The following KAZN variants were observed in gnomAD, a reference collection of about 807,000 sequenced individuals.
KAZN encodes kazrin, periplakin interacting protein.
A neutral mutation model predicts 87.4 loss-of-function variants in KAZN; 40 were observed. That is an observed-to-expected ratio of 0.46 (90% CI 0.36 to 0.60). KAZN has a LOEUF of 0.60. Among genes scored for constraint, KAZN ranks in the 20% least tolerant of loss-of-function variants. The pLI is 0.00. For synonymous variants in KAZN, 466 were observed against 458.3 expected, an observed-to-expected ratio of 1.02 and a Z score of -0.22; for missense variants, 898 against 1,073.9, an observed-to-expected ratio of 0.84 and a Z score of 2.29.
At chr1:14,932,488 C>T (rs12067819) in intron 1 of KAZN, among the ~76,000 whole-genome samples, 1 of 152,140 alleles carries the variant, frequency 6.6e-6, no homozygotes, top group Non-Finnish European at 1.5e-5. Flanking sequence ...CATGGTAGCC[C>T]CTGGGCTTAA....
chr1:14,488,196 G>C (rs940898051), intron 2 of KAZN, among the ~76,000 whole-genome samples: 54 of 152,278 alleles, frequency 3.5e-4, no homozygotes, highest in African/African-American at 1.3e-3. Context: ...TCATGTAGAG[G>C]CTAATCATTT....
intron 2 of KAZN, among the ~76,000 whole-genome samples, chr1:14,375,766 T>G (rs1354489528): frequency 1.3e-5 from 2 of 152,070 alleles, no homozygotes; most frequent in Non-Finnish European, 2.9e-5. Flanking sequence ...CGGGTGCCTG[T>G]AGTCCCAGCT....
At chr1:14,298,270 A>G (rs1053638440) in intron 2 of KAZN, among the ~76,000 whole-genome samples, 9 of 152,196 alleles carry the variant, frequency 5.9e-5, no homozygotes, top group African/African-American at 2.2e-4. Context: ...AAAGGAGGCC[A>G]TTTTAAATGG....
At chr1:14,849,301 A>C (rs140555199) in intron 1 of KAZN, among the ~76,000 whole-genome samples, 3 of 152,190 alleles carry the variant, frequency 2.0e-5, no homozygotes, top group Non-Finnish European at 2.9e-5. Context: ...TACAGCCCTC[A>C]TTTGAGTGTT....
intron 1 of KAZN, among the ~76,000 whole-genome samples, chr1:14,617,185 A>G (rs1678316345): frequency 6.6e-6 from 1 of 152,204 alleles, no homozygotes; most frequent in African/African-American, 2.4e-5. Flanking sequence ...CGGCTGTTCT[A>G]TGATACAGGC....
chr1:14,156,634 G>T (rs1645598358), intron 1 of KAZN, among the ~76,000 whole-genome samples: 1 of 152,034 alleles, frequency 6.6e-6, no homozygotes, highest in East Asian at 1.9e-4. Context: ...AATCTATTTT[G>T]TCTGATATGA....
chr1:13,941,748 A>G (rs1640935475), intron 1 of KAZN, among the ~76,000 whole-genome samples: 1 of 152,162 alleles, frequency 6.6e-6, no homozygotes, highest in Admixed American at 6.5e-5. Flanking sequence ...AAACAAACCA[A>G]ACCTACCACC....
intron 2 of KAZN, among the ~76,000 whole-genome samples, chr1:14,587,177 T>C (rs989871870): frequency 6.6e-6 from 1 of 152,178 alleles, no homozygotes; most frequent in Non-Finnish European, 1.5e-5. Context: ...GGCTCATGCC[T>C]GTAATCCCAG....
chr1:14,485,905 A>AG (rs1669329862), intron 2 of KAZN, among the ~76,000 whole-genome samples: 1 of 152,022 alleles, frequency 6.6e-6, no homozygotes, highest in East Asian at 1.9e-4. Flanking sequence ...AAAAAAAAAA[A>AG]AAAAAAGTGG....
chr1:14,018,270 C>A (rs1640661583), intron 1 of KAZN, among the ~76,000 whole-genome samples: 1 of 152,116 alleles, frequency 6.6e-6, no homozygotes, highest in Non-Finnish European at 1.5e-5. Context: ...GTTTCAACAG[C>A]TTGTGGCCCA....
intron 2 of KAZN, among the ~76,000 whole-genome samples, chr1:14,968,268 G>T (rs577546539): frequency 2.0e-5 from 3 of 152,046 alleles, no homozygotes; most frequent in African/African-American, 7.2e-5. Flanking sequence ...AAGAGGGTTC[G>T]TGCTCCTATG....
Position 14,235,286 on chromosome 1 carries a change from A to C in KAZN, c.249+54694A>C, listed in dbSNP as rs566252264. 6.0e-4 allele frequency among the ~76,000 whole-genome samples: 91 copies of C among 152,374 alleles called. 1 individual carries two copies. The highest frequency in any genetic ancestry group is 2.1e-3 in the African/African-American group (89 of 41,602). On this transcript the variant is annotated intron_variant, in intron 2 of 16. Transcript: ENST00000636203. ...ATAACCACACAATGAAATATTATTCATCCATAAAAAAGGATGAACTACTAT... is the reference window on the plus strand; with the variant it reads ...ATAACCACACAATGAAATATTATTCCTCCATAAAAAAGGATGAACTACTAT...
chr1:14,285,207 A>T (rs964392534), intron 2 of KAZN, among the ~76,000 whole-genome samples: 2 of 152,240 alleles, frequency 1.3e-5, no homozygotes, highest in Non-Finnish European at 2.9e-5. Flanking sequence ...AATTTAGTAA[A>T]ACCATCTCAC....
intron 2 of KAZN, among the ~76,000 whole-genome samples, chr1:14,368,869 T>C (rs1326611624): frequency 6.6e-6 from 1 of 152,218 alleles, no homozygotes; most frequent in African/African-American, 2.4e-5. Flanking sequence ...GGCTTTTTTT[T>C]TCTCCAAGTA....
intron 1 of KAZN, among the ~76,000 whole-genome samples, chr1:14,724,241 A>G (rs532217496): frequency 1.5e-3 from 233 of 151,268 alleles, no homozygotes; most frequent in Admixed American, 4.9e-3. Context: ...CAGGATAGGG[A>G]AAAAAAAAGT....
At chr1:14,142,522 T>C (rs1377978381) in intron 1 of KAZN, among the ~76,000 whole-genome samples, 1 of 152,228 alleles carries the variant, frequency 6.6e-6, no homozygotes, top group East Asian at 1.9e-4. Context: ...CTATGTGGGA[T>C]GGCCGCTACT....
chr1:14,814,185 A>T (rs1053475448), intron 1 of KAZN, among the ~76,000 whole-genome samples: 2 of 152,146 alleles, frequency 1.3e-5, no homozygotes, highest in African/African-American at 4.8e-5. Context: ...GTCACAACTG[A>T]GTGTGAATAT....
At chr1:14,462,770 C>T (rs561046555) in intron 2 of KAZN, among the ~76,000 whole-genome samples, 1 of 152,252 alleles carries the variant, frequency 6.6e-6, no homozygotes, top group Non-Finnish European at 1.5e-5. Flanking sequence ...ACCATCAGAT[C>T]TTGTGAGACT....
intron 10 of KAZN, 105 bp from the exon 11 acceptor site, chr1:15,101,438 C>T (rs10927676): frequency 0.49 from 364,254 of 746,838 alleles, 90,510 homozygotes; most frequent in East Asian, 0.72. Context: ...CCTCCCCCAA[C>T]CCCATTGCTT....
Sources: gnomAD v4.1 joint callset for allele counts (sites outside exome capture counted in the v4.1 genomes callset) on GRCh38, gnomAD v4.1.1 for gene constraint, MANE v1.5 for transcripts, NCBI Gene and HGNC (gene_info 2026-07-23, HGNC 2026-07-21) for gene names.